MYO16: variants seen among roughly 807,000 people sequenced by gnomAD.
The protein encoded by MYO16 is myosin XVI, also known as unconventional myosin-XVI.
MYO16 carries 94 observed loss-of-function variants against 205.3 expected under a neutral mutation model. The observed-to-expected ratio is 0.46, with a 90% CI of 0.39 to 0.54. The LOEUF (loss-of-function observed/expected upper bound fraction) is 0.54, where lower values mean the gene tolerates loss of function less well. Ranked by LOEUF, MYO16 falls within the 20% of genes least tolerant of loss-of-function variation. The pLI is 0.00. For missense variants in MYO16, 2,315 were observed against 2,387.5 expected, an observed-to-expected ratio of 0.97 and a Z score of 0.63; for synonymous variants, 988 against 954.0, an observed-to-expected ratio of 1.04 and a Z score of -0.66.
At chr13:108,629,497 GCA>G (rs1879875986), upstream of MYO16, 1 of 228,510 alleles carries the variant, frequency 4.4e-6, no homozygotes, top group Non-Finnish European at 8.6e-6. Context: ...CCGCACTGCA[GCA>G]CACCTCCGTG....
At chr13:108,839,734 C>T (rs1877133412) in intron 9 of MYO16, among the ~76,000 whole-genome samples, 1 of 152,176 alleles carries the variant, frequency 6.6e-6, no homozygotes, top group Non-Finnish European at 1.5e-5. Context: ...CTACTTCCTC[C>T]TCCTCACTAC....
chr13:108,538,358 A>G, the MYO16 span, among the ~76,000 whole-genome samples: 2 of 152,112 alleles, frequency 1.3e-5, no homozygotes, highest in African/African-American at 4.8e-5. Context: ...GAGAAGGAAA[A>G]CCAATGTTAA....
chr13:108,945,454 T>A (rs1374285936), intron 16 of MYO16, among the ~76,000 whole-genome samples: 2 of 152,184 alleles, frequency 1.3e-5, no homozygotes, highest in Non-Finnish European at 2.9e-5. Context: ...ATCACAACAA[T>A]GGTTCTGAAA....
At chr13:108,875,115 TCTAAGA>T (rs1879263925) in intron 12 of MYO16, among the ~76,000 whole-genome samples, 1 of 152,192 alleles carries the variant, frequency 6.6e-6, no homozygotes, top group Non-Finnish European at 1.5e-5. Flanking sequence ...CTAGAGTCCA[TCTAAGA>T]TTAGCAAGAC....
chr13:109,112,376 C>T (rs763826894), intron 28 of MYO16, among the ~76,000 whole-genome samples: 1 of 152,160 alleles, frequency 6.6e-6, no homozygotes, highest in Non-Finnish European at 1.5e-5. Context: ...AAATATGAAA[C>T]TCAGCATCTT....
Position 109,140,690 on chromosome 13 carries a change from C to T in MYO16, c.4478C>T (p.Pro1493Leu), listed in dbSNP as rs1239669258. ...HRAPEDEAAG[P>L]PGDACDIPPP... The stretch of plus-strand genomic sequence containing the variant: ...GCGCCGGAGGACGAGGCGGCGGGGC[C>T]CCCAGGGGACGCGTGCGACATCCCG... Residue 1493 changes from proline (P) to leucine (L), a missense_variant, in exon 32 of 35, where the codon CCC becomes CTC. Transcript: ENST00000457511. The surrounding 1 kb of genome is among the most constrained non-coding windows in gnomAD (Gnocchi z 8.0). 1 of 1,482,556 alleles carries T rather than the reference C, an allele frequency of 6.7e-7. No individual in the cohort carries two copies. The highest frequency in any genetic ancestry group is 8.9e-7 in the Non-Finnish European group (1 of 1,119,154). 91.8% of individuals were successfully genotyped at this position (1,482,556 alleles called of 1,614,324 possible).
At chr13:108,627,487 T>C (rs1386313329), upstream of MYO16, among the ~76,000 whole-genome samples, 1 of 152,180 alleles carries the variant, frequency 6.6e-6, no homozygotes, top group Non-Finnish European at 1.5e-5. Flanking sequence ...ATTGTCTCTA[T>C]TTCATCTGAC....
At chr13:108,852,467 C>T (rs1355623518) in intron 10 of MYO16, among the ~76,000 whole-genome samples, 1 of 152,184 alleles carries the variant, frequency 6.6e-6, no homozygotes, top group Middle Eastern at 3.2e-3. Context: ...CTCTCTGGGC[C>T]TTAAGTTCTT....
rs73619961 is a variant in MYO16, at chr13:109,158,044, A to G, written c.5165-6857A>G. On this transcript the variant is annotated intron_variant, in intron 32 of 34. Transcript: ENST00000457511. ...GTGAATACCTGTTGAATCAGTGGAG[A>G]GCTCCCTAGCTTGGGGGAGGAATAT... Among the ~76,000 whole-genome samples, 848 of 152,180 alleles carry G rather than the reference A, an allele frequency of 5.6e-3. 7 individuals carry two copies. Among genetic ancestry groups the G allele is most frequent in the African/African-American group, 0.019 (777 of 41,524 alleles).
intron 27 of MYO16, among the ~76,000 whole-genome samples, chr13:109,064,760 C>G (rs1887693273): frequency 6.6e-6 from 1 of 152,092 alleles, no homozygotes; most frequent in African/African-American, 2.4e-5. Flanking sequence ...TCCCAAGTAT[C>G]CCATTGGTTA....
At chr13:109,032,083 C>T (rs961824978) in intron 23 of MYO16, among the ~76,000 whole-genome samples, 2 of 152,084 alleles carry the variant, frequency 1.3e-5, no homozygotes, top group Non-Finnish European at 2.9e-5. Context: ...CTTTTCTGGG[C>T]GTCTTAGGGG....
At position 108,807,850 on chromosome 13, in the gene MYO16, G is replaced by T. The variant is rs180867252; in HGVS notation, c.867+1046G>T. Among the ~76,000 whole-genome samples the T allele has an allele frequency of 2.8e-3, 419 of 152,218 alleles. 1 individual carries two copies. Among genetic ancestry groups the T allele is most frequent in the African/African-American group, 9.6e-3 (400 of 41,542 alleles). On this transcript the variant is annotated intron_variant, in intron 7 of 34. Transcript: ENST00000457511. ...AAAAATACTAATTTCTTAAAGTCTT[G>T]TTAAGCTTGGTAAAGAATGATAAAA...
At chr13:108,595,340 A>G (rs1878516732), upstream of MYO16, among the ~76,000 whole-genome samples, 1 of 152,174 alleles carries the variant, frequency 6.6e-6, no homozygotes, top group African/African-American at 2.4e-5. Context: ...GATTAATGGA[A>G]TCAGGTCAAA....
intron 9 of MYO16, among the ~76,000 whole-genome samples, chr13:108,832,009 A>T (rs1015731699): frequency 6.6e-5 from 10 of 152,138 alleles, no homozygotes; most frequent in African/African-American, 2.2e-4. Context: ...CTGGTGCTAC[A>T]GCTGCTGTAA....
the MYO16 span, among the ~76,000 whole-genome samples, chr13:108,528,714 ACGTCAC>A: frequency 3.4e-5 from 1 of 29,074 alleles, no homozygotes; most frequent in African/African-American, 1.2e-4. Context: ...CTCTCCCGTC[ACGTCAC>A]CTCCCTTCCC....
intron 17 of MYO16, 145 bp downstream of exon 17, chr13:108,957,944 A>C: frequency 3.2e-6 from 2 of 628,816 alleles, no homozygotes; most frequent in East Asian, 3.0e-5. Context: ...ACAAGCCCCA[A>C]TCCCTGCCTC....
At chr13:108,645,811 C>A (rs1380990575) in intron 1 of MYO16, among the ~76,000 whole-genome samples, 1 of 152,194 alleles carries the variant, frequency 6.6e-6, no homozygotes, top group East Asian at 1.9e-4. Context: ...TCCACATCTA[C>A]CTTGTACATT....
chr13:109,172,292 G>C (rs899763943), intron 33 of MYO16, among the ~76,000 whole-genome samples: 1 of 152,164 alleles, frequency 6.6e-6, no homozygotes. Context: ...TGACAATCTG[G>C]AATATGTTGC....
At chr13:108,673,475 C>T (rs1197878805) in intron 2 of MYO16, among the ~76,000 whole-genome samples, 5 of 151,596 alleles carry the variant, frequency 3.3e-5, no homozygotes, top group Non-Finnish European at 7.4e-5. Context: ...AGCATATTTA[C>T]AGAACTATAA....
Sources: allele counts gnomAD v4.1 joint callset (sites outside exome capture counted in the v4.1 genomes callset), GRCh38; gene constraint gnomAD v4.1.1; non-coding constraint Gnocchi (gnomAD v3.1); transcripts MANE v1.5; gene names NCBI Gene and HGNC (gene_info 2026-07-23, HGNC 2026-07-21).